Variants in ANKS1B observed in about 807,000 individuals in gnomAD.
The protein encoded by ANKS1B is ankyrin repeat and sterile alpha motif domain containing 1B.
Under a neutral mutation model 148.3 loss-of-function variants are expected in ANKS1B, and 36 were observed. The ratio of observed to expected loss-of-function variants is 0.24; its 90% CI spans 0.19 to 0.32. The LOEUF (loss-of-function observed/expected upper bound fraction) is 0.32, where lower values mean the gene tolerates loss of function less well. Among genes scored for constraint, ANKS1B ranks in the 10% least tolerant of loss-of-function variants. ANKS1B has a pLI of 1.00. For missense variants in ANKS1B, 1,157 were observed against 1,542.6 expected, an observed-to-expected ratio of 0.75 and a Z score of 4.19; for synonymous variants, 542 against 560.8, an observed-to-expected ratio of 0.97 and a Z score of 0.47.
chr12:99,154,869 G>A lies in ANKS1B; in HGVS notation c.2420-474C>T, dbSNP rs539246154. On this transcript the variant is annotated intron_variant, in intron 14 of 26. Transcript: ENST00000683438. The stretch of plus-strand genomic sequence containing the variant: ...CTCGCTCGCTCCCCTTCATTACCCA[G>A]CCCAGGCTACACCTCGCATTTTCAA... 14 of 1,534,336 alleles carry A rather than the reference G, an allele frequency of 9.1e-6. No homozygotes were observed. The East Asian group carries it at 3.2e-4, about 35-fold the overall frequency.
At chr12:98,981,288 C>G (rs1326656764) in intron 17 of ANKS1B, among the ~76,000 whole-genome samples, 1 of 152,048 alleles carries the variant, frequency 6.6e-6, no homozygotes, top group Non-Finnish European at 1.5e-5. Flanking sequence ...CAGGCAAACA[C>G]CACTATGCCC....
intron 12 of ANKS1B, among the ~76,000 whole-genome samples, chr12:99,332,895 G>A (rs536531997): frequency 2.0e-5 from 3 of 151,988 alleles, no homozygotes; most frequent in East Asian, 3.9e-4. Context: ...GTGGATTGGG[G>A]TCTGGTGGTC....
intron 9 of ANKS1B, among the ~76,000 whole-genome samples, chr12:99,642,644 C>G (rs2098322142): frequency 1.3e-5 from 2 of 151,962 alleles, no homozygotes; most frequent in Non-Finnish European, 2.9e-5. Flanking sequence ...GGTGAAACCC[C>G]ATCTCTACTA....
At chr12:99,086,927 G>T (rs185626366) in intron 15 of ANKS1B, among the ~76,000 whole-genome samples, 305 of 152,296 alleles carry the variant, frequency 2.0e-3, no homozygotes, top group African/African-American at 7.0e-3. Context: ...ATTTGAAAGG[G>T]TGATTCTGGG....
chr12:99,187,872 G>T (rs1379029834), intron 14 of ANKS1B, among the ~76,000 whole-genome samples: 1 of 152,106 alleles, frequency 6.6e-6, no homozygotes, highest in Non-Finnish European at 1.5e-5. Flanking sequence ...TGGGCTAAAT[G>T]ACCCAATTAA....
At chr12:99,437,480 G>C (rs1249509502) in intron 11 of ANKS1B, among the ~76,000 whole-genome samples, 1 of 151,858 alleles carries the variant, frequency 6.6e-6, no homozygotes, top group East Asian at 1.9e-4. Flanking sequence ...TAGATGACTT[G>C]TCTGTGGTAT....
intron 2 of ANKS1B, among the ~76,000 whole-genome samples, chr12:99,813,600 T>TTA (rs2068709820): frequency 6.6e-6 from 1 of 151,494 alleles, no homozygotes; most frequent in African/African-American, 2.4e-5. Context: ...TGATACAAAA[T>TTA]TATGGTAAAT....
intron 17 of ANKS1B, among the ~76,000 whole-genome samples, chr12:98,966,429 G>A (rs947774456): frequency 6.6e-6 from 1 of 152,158 alleles, no homozygotes; most frequent in African/African-American, 2.4e-5. Flanking sequence ...GGAGAAATAG[G>A]AACACTTTTA....
At chr12:99,916,293 A>G (rs868206586) in intron 1 of ANKS1B, among the ~76,000 whole-genome samples, 32 of 152,178 alleles carry the variant, frequency 2.1e-4, no homozygotes, top group African/African-American at 7.7e-4. Flanking sequence ...CAGTATATAC[A>G]CTGGTGAAAG....
intron 12 of ANKS1B, among the ~76,000 whole-genome samples, chr12:99,274,408 T>C (rs986410796): frequency 2.6e-5 from 4 of 152,192 alleles, no homozygotes; most frequent in African/African-American, 9.7e-5. Flanking sequence ...CTGGAAATCT[T>C]AGATTGTCAT....
At chr12:98,975,599 G>A (rs935606042) in intron 17 of ANKS1B, among the ~76,000 whole-genome samples, 2 of 152,160 alleles carry the variant, frequency 1.3e-5, no homozygotes, top group Admixed American at 6.6e-5. Context: ...ATACTATTAT[G>A]TGGTGAAAAA....
intron 16 of ANKS1B, among the ~76,000 whole-genome samples, chr12:99,055,269 G>A (rs552499403): frequency 1.6e-4 from 25 of 152,306 alleles, no homozygotes; most frequent in Admixed American, 1.0e-3. Context: ...GACTGCCCCA[G>A]TGACATGAAA....
chr12:99,255,378 T>C (rs368889962), intron 12 of ANKS1B, among the ~76,000 whole-genome samples: 4 of 152,110 alleles, frequency 2.6e-5, no homozygotes, highest in Non-Finnish European at 4.4e-5. Context: ...TTTATCTTGA[T>C]CATTTTGACT....
At chr12:99,877,233 CT>C (rs1378438671) in intron 1 of ANKS1B, among the ~76,000 whole-genome samples, 1 of 152,166 alleles carries the variant, frequency 6.6e-6, no homozygotes, top group African/African-American at 2.4e-5. Flanking sequence ...ATACCTTTTC[CT>C]TTTTCTAATG....
chr12:98,938,913 G>C (rs1209306378), intron 17 of ANKS1B, among the ~76,000 whole-genome samples: 1 of 152,262 alleles, frequency 6.6e-6, no homozygotes, highest in Non-Finnish European at 1.5e-5. Context: ...TGAGAAGGCA[G>C]TGGAGATTAA....
intron 1 of ANKS1B, among the ~76,000 whole-genome samples, chr12:99,876,731 C>CA (rs34676678): frequency 3.5e-5 from 5 of 140,926 alleles, no homozygotes; most frequent in Admixed American, 7.1e-5. Context: ...CTGCTTCTCA[C>CA]AAAAAAAAAA....
intron 9 of ANKS1B, among the ~76,000 whole-genome samples, chr12:99,602,919 A>T (rs1299382723): frequency 1.3e-5 from 2 of 152,114 alleles, no homozygotes; most frequent in Admixed American, 6.6e-5. Flanking sequence ...TCTGACACAT[A>T]ATTTTTCTCT....
chr12:99,552,598 TA>T (rs147386131), intron 9 of ANKS1B, among the ~76,000 whole-genome samples: 11,381 of 152,288 alleles, frequency 0.075, 577 homozygotes, highest in East Asian at 0.23. Context: ...TTTATCTTTC[TA>T]AAGTTATATT....
chr12:99,223,333 A>G (rs1451760807), intron 14 of ANKS1B, among the ~76,000 whole-genome samples: 1 of 152,186 alleles, frequency 6.6e-6, no homozygotes, highest in Non-Finnish European at 1.5e-5. Context: ...GGATGATTCA[A>G]GCACATTACA....
Sources: gnomAD v4.1 joint callset for allele counts (sites outside exome capture counted in the v4.1 genomes callset) on GRCh38, gnomAD v4.1.1 for gene constraint, MANE v1.5 for transcripts, NCBI Gene and HGNC (gene_info 2026-07-23, HGNC 2026-07-21) for gene names.